Variants in SPATA13 observed in about 807,000 individuals in gnomAD.
SPATA13 encodes spermatogenesis associated 13.
SPATA13 carries 50 observed loss-of-function variants against 104.0 expected under a neutral mutation model. The observed-to-expected ratio is 0.48, with a 90% confidence interval of 0.38 to 0.61. SPATA13 has a LOEUF of 0.61. SPATA13 is among the 20% of genes least tolerant of loss of function. SPATA13 has a pLI of 0.00. For missense variants in SPATA13, 1,524 were observed against 1,690.6 expected (o/e 0.90, Z 1.73); for synonymous variants, 606 against 667.5 (o/e 0.91, Z 1.42).
intron 1 of SPATA13, among the ~76,000 whole-genome samples, chr13:23,982,986 C>A (rs1164969797): frequency 6.6e-6 from 1 of 152,186 alleles, no homozygotes; most frequent in Non-Finnish European, 1.5e-5. Context: ...GACAAAGGGG[C>A]AGGGCCAGTG....
At chr13:24,047,961 G>T (rs1394225401) in intron 3 of SPATA13, among the ~76,000 whole-genome samples, 1 of 152,214 alleles carries the variant, frequency 6.6e-6, no homozygotes, top group African/African-American at 2.4e-5. Context: ...CAAGAACCAG[G>T]TGCGTCAATG....
Position 23,995,564 on chromosome 13 carries a change from T to C in SPATA13, c.-147+11631T>C, listed in dbSNP as rs541198875. 7.2e-5 allele frequency among the ~76,000 whole-genome samples: 11 copies of C among 152,268 alleles called. 1 individual carries two copies. In the South Asian group the frequency reaches 2.3e-3, roughly 32 times the overall value. ...GATGAAATCTCCATATCGACTGAGG[T>C]TTTCCCTTTGAGATAAAAATGTGAG... is the stretch of plus-strand genomic sequence containing the variant. On this transcript the variant is annotated intron_variant, in intron 2 of 14. Coordinates refer to the SPATA13 transcript ENST00000424834.
chr13:24,226,843 A>G (rs1308712895), intron 2 of SPATA13, among the ~76,000 whole-genome samples: 2 of 152,246 alleles, frequency 1.3e-5, no homozygotes, highest in Non-Finnish European at 2.9e-5. Context: ...AGAAAGACCT[A>G]GAAAGTAGGA....
At chr13:24,015,068 T>A (rs945973445) in intron 2 of SPATA13, among the ~76,000 whole-genome samples, 10 of 152,072 alleles carry the variant, frequency 6.6e-5, no homozygotes, top group African/African-American at 2.2e-4. Context: ...TTTTTTTGTG[T>A]TTTTAGTAGA....
chr13:24,117,685 A>G (rs75320661), intron 3 of SPATA13, among the ~76,000 whole-genome samples: 1 of 145,380 alleles, frequency 6.9e-6, no homozygotes, highest in Non-Finnish European at 1.5e-5. Flanking sequence ...AAATTAAGAG[A>G]AAAAAAACCC....
rs542969008 is a variant in SPATA13, at chr13:24,274,547, G to A, written c.2165-9588G>A. Among the ~76,000 whole-genome samples the A allele has an allele frequency of 9.7e-4, 148 of 152,320 alleles. 1 individual carries two copies. In the South Asian group the frequency reaches 0.017, roughly 17 times the overall value. On this transcript the variant is annotated intron_variant, in intron 4 of 12. Transcript: ENST00000382108. ...GTGACCCAGCTCTTTCCCTCTGTGT[G>A]CATCTCCGTGGCCTGAGCTCTTGGG...
chr13:24,132,735 A>T (rs1881426082), intron 3 of SPATA13, among the ~76,000 whole-genome samples: 1 of 152,164 alleles, frequency 6.6e-6, no homozygotes, highest in Non-Finnish European at 1.5e-5. Flanking sequence ...GCACTTTGGG[A>T]GGCCAAGGCA....
At chr13:24,056,737 C>A (rs1414531947) in intron 3 of SPATA13, among the ~76,000 whole-genome samples, 2 of 152,050 alleles carry the variant, frequency 1.3e-5, no homozygotes, top group African/African-American at 4.8e-5. Context: ...CTTTTGGTGG[C>A]TTTGTTTTTT....
intron 1 of SPATA13, among the ~76,000 whole-genome samples, chr13:23,980,288 C>A (rs917577814): frequency 6.6e-6 from 1 of 152,218 alleles, no homozygotes; most frequent in African/African-American, 2.4e-5. Flanking sequence ...GCCTGGCGGT[C>A]GCGTTGCCAT....
chr13:24,276,652 A>AGAAAGAG, intron 4 of SPATA13, among the ~76,000 whole-genome samples: 1 of 152,268 alleles, frequency 6.6e-6, no homozygotes, highest in Non-Finnish European at 1.5e-5. Flanking sequence ...GGAAGAAAGA[A>AGAAAGAG]ACAATAAAAT....
Position 24,161,080 on chromosome 13 carries a change from G to T in SPATA13, c.-112+148G>T. 2.4e-6 allele frequency: 1 copy of T among 420,432 alleles called. No individual in the cohort carries two copies. Among genetic ancestry groups the T allele is most frequent in the South Asian group, 9.7e-5 (1 of 10,302 alleles). 26.0% of individuals were successfully genotyped at this position (420,432 alleles called of 1,614,324 possible). On this transcript the variant is annotated intron_variant, in intron 1 of 12. Transcript: ENST00000382108. This position sits in a 1 kb window ranked among gnomAD's most constrained non-coding sequence, Gnocchi z 4.5. ...CTGCTTGGCCTCTGCTTCCCCCGCC[G>T]GTGGAGGCTACCGGGTGCTCACCTG...
At position 24,051,030 on chromosome 13, in the gene SPATA13, G is replaced by C. The variant is rs77394122; in HGVS notation, c.-112+33329G>C. 7.1e-3 allele frequency among the ~76,000 whole-genome samples: 1,079 copies of C among 152,300 alleles called. 6 individuals carry two copies. Among genetic ancestry groups the C allele is most frequent in the Middle Eastern group, 0.017 (5 of 294 alleles). On this transcript the variant is annotated intron_variant, in intron 3 of 14. Transcript: ENST00000424834. The surrounding 1 kb of genome is among the most constrained non-coding windows in gnomAD (Gnocchi z 4.2). ...TGTACTGTGAGCTAAGCAGGCTATA[G>C]ACCCATATCTGCCATCCACCAGCTG...
At chr13:23,981,038 A>G (rs1047010652) in intron 1 of SPATA13, among the ~76,000 whole-genome samples, 2 of 152,204 alleles carry the variant, frequency 1.3e-5, no homozygotes, top group Non-Finnish European at 2.9e-5. Context: ...TTTCAAACAT[A>G]CTAACCAAAA....
intron 2 of SPATA13, 81 bp from the exon 3 acceptor site, chr13:24,249,396 G>A: frequency 7.0e-7 from 1 of 1,432,266 alleles, no homozygotes; most frequent in Non-Finnish European, 9.2e-7. Flanking sequence ...CGGCTGTGGT[G>A]GTGAGAGGGA....
intron 2 of SPATA13, among the ~76,000 whole-genome samples, chr13:24,226,004 G>GGA (rs2138617182): frequency 6.6e-6 from 1 of 152,332 alleles, no homozygotes; most frequent in East Asian, 1.9e-4. Flanking sequence ...TCAGCCCATA[G>GGA]GAGACCTGGA....
intron 2 of SPATA13, among the ~76,000 whole-genome samples, chr13:24,236,436 TA>T (rs1012145416): frequency 2.9e-4 from 44 of 150,266 alleles, no homozygotes; most frequent in African/African-American, 8.1e-4. Context: ...ACTAAAAATA[TA>T]AAAAAAAATT....
intron 2 of SPATA13, among the ~76,000 whole-genome samples, chr13:24,228,664 G>A (rs1477281226): frequency 6.6e-6 from 1 of 152,094 alleles, no homozygotes; most frequent in African/African-American, 2.4e-5. Context: ...CTATTTTGTA[G>A]CATTACAAAA....
At chr13:24,089,316 C>T (rs1223902327) in intron 3 of SPATA13, among the ~76,000 whole-genome samples, 2 of 152,192 alleles carry the variant, frequency 1.3e-5, no homozygotes, top group African/African-American at 2.4e-5. Flanking sequence ...GACCCCCCCA[C>T]ACACCACTCG....
intron 3 of SPATA13, among the ~76,000 whole-genome samples, chr13:24,085,601 C>A (rs1469916513): frequency 6.6e-6 from 1 of 152,240 alleles, no homozygotes; most frequent in Non-Finnish European, 1.5e-5. Context: ...TCTGCCACCA[C>A]GTGCCTTCTC....
Sources: allele counts gnomAD v4.1 joint callset (sites outside exome capture counted in the v4.1 genomes callset), GRCh38; gene constraint gnomAD v4.1.1; non-coding constraint Gnocchi (gnomAD v3.1); transcripts MANE v1.5; gene names NCBI Gene and HGNC (gene_info 2026-07-23, HGNC 2026-07-21).